Variants in MSH3 observed in about 807,000 individuals in gnomAD.
The protein encoded by MSH3 is DNA mismatch repair protein Msh3.
A neutral mutation model predicts 123.3 loss-of-function variants in MSH3; 106 were observed. The observed-to-expected ratio is 0.86, with a 90% CI of 0.73 to 1.01. The LOEUF (loss-of-function observed/expected upper bound fraction) is 1.01. MSH3 is among the 50% of genes least tolerant of loss of function. MSH3 has a pLI of 0.00. For missense variants in MSH3, 1,459 were observed against 1,347.6 expected, an observed-to-expected ratio of 1.08 and a Z score of -1.29; for synonymous variants, 515 against 481.4, an observed-to-expected ratio of 1.07 and a Z score of -0.91.
chr5:80,794,946 G>A (rs1012226669), intron 19 of MSH3, among the ~76,000 whole-genome samples: 1 of 152,182 alleles, frequency 6.6e-6, no homozygotes, highest in African/African-American at 2.4e-5. Context: ...TGAGAGAGCT[G>A]CAGGGGAATA....
At position 80,854,383 on chromosome 5, in the gene MSH3, C is replaced by A. The variant is rs1168534351; in HGVS notation, c.3000+67C>A. The stretch of plus-strand genomic sequence containing the variant: ...TAAATTATTATTTTTAAATGACAGT[C>A]ATAATTGTGCCATATTTATGGGGTA... On this transcript the variant is annotated intron_variant, in intron 21 of 23. Coordinates refer to ENST00000265081, the MANE Select transcript of MSH3 (RefSeq NM_002439.5). The A allele has an allele frequency of 3.5e-6, 5 of 1,412,522 alleles. No homozygotes were observed. The South Asian group carries it at 3.6e-5, about 10-fold the overall frequency. 87.5% of individuals were successfully genotyped at this position (1,412,522 alleles called of 1,614,324 possible).
At chr5:80,789,036 G>C (rs1271774272) in intron 18 of MSH3, among the ~76,000 whole-genome samples, 2 of 151,958 alleles carry the variant, frequency 1.3e-5, no homozygotes, top group African/African-American at 4.8e-5. Context: ...ATATAATTTT[G>C]ATAGCAACAG....
rs771284065 is a variant in MSH3 at position 80,665,218 on chromosome 5, C to T, written c.434C>T (p.Ala145Val). 3 of 1,614,086 alleles carry T rather than the reference C, an allele frequency of 1.9e-6. No individual in the cohort carries two copies. Among genetic ancestry groups the T allele is most frequent in the Non-Finnish European group, 2.5e-6 (3 of 1,179,972 alleles). ...EKLKEFCCDS[A>V]LPQSRVQTES... ...TTGAAAGAATTCTGCTGCGATTCTGCCCTTCCTCAAAGTAGAGTCCAGACA... is the reference window on the plus strand; with the variant it reads ...TTGAAAGAATTCTGCTGCGATTCTGTCCTTCCTCAAAGTAGAGTCCAGACA... Residue 145 changes from alanine (A) to valine (V), a missense_variant, in exon 3 of 24, where the codon GCC becomes GTC. Physicochemically the swap from Ala to Val is moderately conservative, Grantham distance 64 (BLOSUM62 0). Coordinates refer to ENST00000265081, the MANE Select transcript of MSH3 (RefSeq NM_002439.5).
chr5:80,779,270 G>A (rs1580046275), intron 17 of MSH3, among the ~76,000 whole-genome samples: 2 of 152,230 alleles, frequency 1.3e-5, no homozygotes, highest in African/African-American at 4.8e-5. Context: ...TGGGATTACA[G>A]GCTTGAACCA....
At chr5:80,767,162 T>A (rs1328006396) in intron 13 of MSH3, among the ~76,000 whole-genome samples, 2 of 152,172 alleles carry the variant, frequency 1.3e-5, no homozygotes, top group African/African-American at 4.8e-5. Flanking sequence ...TTCATCTTTT[T>A]AAATTATAAG....
At position 80,725,214 on chromosome 5, in the gene MSH3, CA is replaced by C. The variant is rs33919693; in HGVS notation, c.1341-220del. Reference sequence around the variant, plus strand: ...TGGGCAACAGAGCGAGACTCCATCTCAAAAAAAAAAAAAAAAAAAGATAATA... The same window carrying C: ...TGGGCAACAGAGCGAGACTCCATCTCAAAAAAAAAAAAAAAAAAGATAATA... On this transcript the variant is annotated intron_variant, in intron 8 of 23. Transcript: ENST00000265081. 0.39 allele frequency among the ~76,000 whole-genome samples: 38,717 copies of C among 98,944 alleles called. 4,544 individuals carry two copies. The highest frequency in any genetic ancestry group is 0.49 in the Middle Eastern group (100 of 206). 64.9% of individuals were successfully genotyped at this position (98,944 alleles called of 152,430 possible).
intron 20 of MSH3, among the ~76,000 whole-genome samples, chr5:80,845,063 G>A (rs1402748307): frequency 7.2e-5 from 11 of 152,100 alleles, no homozygotes; most frequent in Non-Finnish European, 1.6e-4. Flanking sequence ...CATGTTTAGT[G>A]CTTCCTTTAG....
chr5:80,784,246 T>TAAA (rs1744464643), intron 17 of MSH3, among the ~76,000 whole-genome samples: 1 of 100,030 alleles, frequency 1.0e-5, no homozygotes, highest in African/African-American at 3.8e-5. Flanking sequence ...AAAAGGGAAA[T>TAAA]AAATAAATAA....
chr5:80,734,539 A>G (rs1233905746), intron 10 of MSH3, among the ~76,000 whole-genome samples: 1 of 152,210 alleles, frequency 6.6e-6, no homozygotes, highest in Non-Finnish European at 1.5e-5. Context: ...GTCTCTGTCT[A>G]TTTTAATTCT....
In MSH3 at chr5:80,670,089, G is replaced by T; in HGVS notation, c.580-8G>T. On this transcript the variant is annotated splice_region_variant and splice_polypyrimidine_tract_variant and intron_variant, in intron 3 of 23. Coordinates refer to ENST00000265081, the MANE Select transcript of MSH3 (RefSeq NM_002439.5). ...TTTTTAAAACTTTATACATCTTTTG[G>T]TTGCCAGGACACAACACTTTTTGAT... is the stretch of plus-strand genomic sequence containing the variant. 1 of 1,613,552 alleles carries T rather than the reference G, an allele frequency of 6.2e-7. No homozygotes were observed. The highest frequency in any genetic ancestry group is 8.5e-7 in the Non-Finnish European group (1 of 1,179,666).
chr5:80,731,876 C>G (rs1743418725), intron 10 of MSH3, among the ~76,000 whole-genome samples: 1 of 152,082 alleles, frequency 6.6e-6, no homozygotes, highest in Non-Finnish European at 1.5e-5. Flanking sequence ...CTTTTATTTA[C>G]AAAGCTATGT....
chr5:80,857,221 T>C (rs1024703697), intron 21 of MSH3, among the ~76,000 whole-genome samples: 3 of 152,234 alleles, frequency 2.0e-5, no homozygotes, highest in African/African-American at 7.2e-5. Flanking sequence ...AAATGTTGAA[T>C]GAGTCTTACA....
intron 20 of MSH3, among the ~76,000 whole-genome samples, chr5:80,817,143 C>T (rs1178306004): frequency 1.3e-5 from 2 of 152,094 alleles, no homozygotes; most frequent in Non-Finnish European, 2.9e-5. Flanking sequence ...AGGTTGAAAA[C>T]CAACAAAGGA....
intron 20 of MSH3, among the ~76,000 whole-genome samples, chr5:80,842,698 G>A (rs1159649054): frequency 6.6e-6 from 1 of 151,830 alleles, no homozygotes; most frequent in Non-Finnish European, 1.5e-5. Context: ...CTCATGATTT[G>A]GCTATTTGTC....
intron 19 of MSH3, among the ~76,000 whole-genome samples, chr5:80,810,918 A>G (rs1744998093): frequency 6.6e-6 from 1 of 152,146 alleles, no homozygotes; most frequent in Non-Finnish European, 1.5e-5. Context: ...TAATCTGAAA[A>G]TCTAAAATCT....
chr5:80,784,861 T>C (rs1744475608), intron 17 of MSH3, among the ~76,000 whole-genome samples: 1 of 152,252 alleles, frequency 6.6e-6, no homozygotes, highest in Admixed American at 6.5e-5. Context: ...CATTATGTTC[T>C]ATCTACTCAG....
rs183782347 is a variant in MSH3 at position 80,741,583 on chromosome 5, C to T, written c.1653+35C>T. On this transcript the variant is annotated intron_variant, in intron 11 of 23. Coordinates refer to ENST00000265081, the MANE Select transcript of MSH3 (RefSeq NM_002439.5). Reference sequence around the variant, plus strand: ...ATACAAGGGCTAGTTGATTATAAATCGTTTTGGGAAAAACTTCTGAGTAAG... The same window carrying T: ...ATACAAGGGCTAGTTGATTATAAATTGTTTTGGGAAAAACTTCTGAGTAAG... 1.8e-4 allele frequency: 270 copies of T among 1,498,358 alleles called. 1 individual carries two copies. In the African/African-American group the frequency reaches 3.4e-3, roughly 19 times the overall value. The allele number at this position is 1,498,358 out of a possible 1,614,324, so 92.8% of individuals were successfully genotyped here.
At chr5:80,720,946 T>G (rs998855807) in intron 8 of MSH3, among the ~76,000 whole-genome samples, 2 of 152,184 alleles carry the variant, frequency 1.3e-5, no homozygotes, top group Admixed American at 6.5e-5. Context: ...TTTTACACAA[T>G]TTTGTAACCA....
At position 80,658,037 on chromosome 5, in the gene MSH3, C is replaced by CTTTTTTTT. The variant is rs397942439; in HGVS notation, c.358+1512_358+1519dup. ...TTTTCCTAAGAATGCTTTTTGCCCT[C>CTTTTTTTT]TTTTTTTTTTTTTGAGATAGGGTCT... On this transcript the variant is annotated intron_variant, in intron 2 of 23. Coordinates refer to ENST00000265081, the MANE Select transcript of MSH3 (RefSeq NM_002439.5). Among the ~76,000 whole-genome samples the CTTTTTTTT allele has an allele frequency of 1.5e-4, 17 of 116,620 alleles. 1 individual carries two copies. In the South Asian group the frequency reaches 1.5e-3, roughly 10 times the overall value. The allele number at this position is 116,620 out of a possible 152,430, so 76.5% of individuals were successfully genotyped here. A position where few individuals can be genotyped will look rare whatever the true frequency, so the allele number is the denominator to read the frequency against.
Sources: allele counts gnomAD v4.1 joint callset (sites outside exome capture counted in the v4.1 genomes callset), GRCh38; gene constraint gnomAD v4.1.1; transcripts MANE v1.5; gene names NCBI Gene and HGNC (gene_info 2026-07-23, HGNC 2026-07-21).